Variants in CDH12 observed in about 807,000 individuals in gnomAD.
CDH12 encodes cadherin-12.
A neutral mutation model predicts 74.1 loss-of-function variants in CDH12; 41 were observed. The observed-to-expected ratio is 0.55, with a 90% CI of 0.43 to 0.72. CDH12 has a LOEUF of 0.72. Among genes scored for constraint, CDH12 ranks in the 30% least tolerant of loss-of-function variants. The probability of loss-of-function intolerance (pLI) is 0.00; values close to 1 mark genes in which losing one functional copy is unlikely to be tolerated. For synonymous variants in CDH12, 399 were observed against 355.0 expected (o/e 1.12, Z -1.39); for missense variants, 945 against 977.2 (o/e 0.97, Z 0.44).
intron 1 of CDH12, among the ~76,000 whole-genome samples, chr5:22,747,780 C>T (rs1224318414): frequency 6.6e-6 from 1 of 151,764 alleles, no homozygotes; most frequent in African/African-American, 2.4e-5. Flanking sequence ...TAAACTTGGC[C>T]CTTGCAGCAA....
chr5:22,569,167 C>A (rs1171990215), intron 1 of CDH12, among the ~76,000 whole-genome samples: 1 of 152,110 alleles, frequency 6.6e-6, no homozygotes. Flanking sequence ...GATATATGTC[C>A]CTCCCCAAAT....
At chr5:22,335,601 C>A (rs1352409530) in intron 3 of CDH12, among the ~76,000 whole-genome samples, 1 of 150,234 alleles carries the variant, frequency 6.7e-6, no homozygotes, top group Non-Finnish European at 1.5e-5. Context: ...AAAAAAAAAA[C>A]AAAAACAAAA....
chr5:21,825,341 G>A (rs1004758001), intron 8 of CDH12, among the ~76,000 whole-genome samples: 2 of 152,030 alleles, frequency 1.3e-5, no homozygotes, highest in Admixed American at 1.3e-4. Context: ...ATAGCTGTAA[G>A]CATTCTTTCA....
intron 1 of CDH12, among the ~76,000 whole-genome samples, chr5:22,604,875 T>C (rs1737020791): frequency 6.6e-6 from 1 of 152,062 alleles, no homozygotes; most frequent in East Asian, 1.9e-4. Flanking sequence ...TACTCCCACA[T>C]CCAAGATGGC....
chr5:22,407,872 A>G (rs960682418), intron 2 of CDH12, among the ~76,000 whole-genome samples: 30 of 152,186 alleles, frequency 2.0e-4, no homozygotes, highest in East Asian at 7.7e-4. Context: ...TGATTAGACT[A>G]CCTGTTCAAT....
chr5:22,307,873 G>GTTTTTTTT lies in CDH12; in HGVS notation c.-332-95238_-332-95231dup, dbSNP rs35242143. On this transcript the variant is annotated intron_variant, in intron 3 of 14. Coordinates refer to ENST00000382254, the MANE Select transcript of CDH12 (RefSeq NM_004061.5). The stretch of plus-strand genomic sequence containing the variant: ...TATATATTTTTGCTGCTTTCTTTTA[G>GTTTTTTTT]TTTTTTTTTTTTTTTTTTTTTTTTT... Among the ~76,000 whole-genome samples, 92 of 68,676 alleles carry GTTTTTTTT rather than the reference G, an allele frequency of 1.3e-3. 1 individual carries two copies. Among genetic ancestry groups the GTTTTTTTT allele is most frequent in the South Asian group, 1.5e-3 (2 of 1,332 alleles). 45.1% of individuals were successfully genotyped at this position (68,676 alleles called of 152,430 possible). A position where few individuals can be genotyped will look rare whatever the true frequency, so the allele number is the denominator to read the frequency against.
At chr5:21,773,670 T>C (rs1269435324) in intron 11 of CDH12, among the ~76,000 whole-genome samples, 1 of 152,160 alleles carries the variant, frequency 6.6e-6, no homozygotes, top group Non-Finnish European at 1.5e-5. Flanking sequence ...CTTCACCTTG[T>C]GATCCTGTGA....
At chr5:22,610,227 A>G (rs188821009) in intron 1 of CDH12, among the ~76,000 whole-genome samples, 115 of 152,324 alleles carry the variant, frequency 7.5e-4, no homozygotes, top group Middle Eastern at 3.4e-3. Context: ...AAGCTACAAG[A>G]TGGAAGGAGA....
intron 1 of CDH12, among the ~76,000 whole-genome samples, chr5:22,596,064 C>T (rs183422643): frequency 1.9e-4 from 28 of 151,072 alleles, no homozygotes; most frequent in East Asian, 1.7e-3. Context: ...GCCGAGATCA[C>T]GCCACTGCAC....
intron 2 of CDH12, among the ~76,000 whole-genome samples, chr5:22,464,830 C>T (rs139178422): frequency 6.8e-4 from 103 of 152,088 alleles, no homozygotes; most frequent in African/African-American, 2.4e-3. Flanking sequence ...GGTGAAACCC[C>T]ACCTCTACTA....
At chr5:21,962,358 A>C (rs1166383459) in intron 6 of CDH12, among the ~76,000 whole-genome samples, 2 of 152,298 alleles carry the variant, frequency 1.3e-5, no homozygotes, top group East Asian at 3.9e-4. Context: ...GAAATCTGAG[A>C]GTATACCCTG....
intron 10 of CDH12, among the ~76,000 whole-genome samples, chr5:21,786,143 C>A (rs1746185860): frequency 6.6e-6 from 1 of 152,050 alleles, no homozygotes; most frequent in Non-Finnish European, 1.5e-5. Flanking sequence ...CACATCTGCT[C>A]ACAGCATGGT....
At chr5:22,015,758 T>C (rs1362040430) in intron 5 of CDH12, among the ~76,000 whole-genome samples, 1 of 152,194 alleles carries the variant, frequency 6.6e-6, no homozygotes, top group Non-Finnish European at 1.5e-5. Flanking sequence ...GACAGATAGT[T>C]ATACCAGAGA....
chr5:22,315,427 A>G (rs572072059), intron 3 of CDH12, among the ~76,000 whole-genome samples: 1 of 152,162 alleles, frequency 6.6e-6, no homozygotes, highest in South Asian at 2.1e-4. Context: ...TAAATAAGAA[A>G]CGAGAGGAAG....
At chr5:21,951,558 A>G (rs1336981518) in intron 6 of CDH12, among the ~76,000 whole-genome samples, 1 of 152,220 alleles carries the variant, frequency 6.6e-6, no homozygotes, top group African/African-American at 2.4e-5. Flanking sequence ...AAGATTTCTA[A>G]TATTTATAAG....
intron 1 of CDH12, among the ~76,000 whole-genome samples, chr5:22,673,949 C>A (rs1741031694): frequency 1.3e-5 from 2 of 152,104 alleles, no homozygotes; most frequent in East Asian, 1.9e-4. Context: ...TCTCCTTATG[C>A]AATACCAAGT....
intron 1 of CDH12, among the ~76,000 whole-genome samples, chr5:22,784,151 T>C (rs377176721): frequency 9.2e-5 from 14 of 152,240 alleles, no homozygotes; most frequent in East Asian, 3.9e-4. Context: ...CAGCCTACCA[T>C]TTTTTCATAA....
chr5:22,191,547 C>A (rs190757659), intron 4 of CDH12, among the ~76,000 whole-genome samples: 1,413 of 140,792 alleles, frequency 0.01, 15 homozygotes, highest in Non-Finnish European at 0.016. Flanking sequence ...CTATATACAC[C>A]AATGGTCTTT....
chr5:22,823,289 C>G (rs562220088), intron 1 of CDH12, among the ~76,000 whole-genome samples: 2 of 151,668 alleles, frequency 1.3e-5, no homozygotes, highest in Admixed American at 6.6e-5. Flanking sequence ...TGCTAAATGA[C>G]GAGTTAATGG....
Sources: gnomAD v4.1 joint callset for allele counts (sites outside exome capture counted in the v4.1 genomes callset) on GRCh38, gnomAD v4.1.1 for gene constraint, MANE v1.5 for transcripts, NCBI Gene and HGNC (gene_info 2026-07-23, HGNC 2026-07-21) for gene names.